Variants in PLEKHG3 observed in about 807,000 individuals in gnomAD.
PLEKHG3 encodes the protein pleckstrin homology and RhoGEF domain containing G3, also known as pleckstrin homology domain-containing family G member 3.
A neutral mutation model predicts 94.9 loss-of-function variants in PLEKHG3; 62 were observed. The ratio of observed to expected loss-of-function variants is 0.65; its 90% CI spans 0.53 to 0.81. The LOEUF (loss-of-function observed/expected upper bound fraction) is 0.81. Among genes scored for constraint, PLEKHG3 ranks in the 30% least tolerant of loss-of-function variants. The probability of loss-of-function intolerance (pLI) is 0.00; values close to 1 mark genes in which losing one functional copy is unlikely to be tolerated. For synonymous variants in PLEKHG3, 614 were observed against 654.0 expected (o/e 0.94, Z 0.93); for missense variants, 1,461 against 1,619.3 (o/e 0.90, Z 1.68).
In PLEKHG3 at chr14:64,731,971, G is replaced by T. The variant is rs1029648693; in HGVS notation, c.1126-124G>T. The stretch of plus-strand genomic sequence containing the variant: ...TCTCAGGGTCAAAGTGAGGAGTCAG[G>T]TTAACCTCACAGAGGCCCCAGCATG... On this transcript the variant is annotated intron_variant, in intron 9 of 16. Transcript: ENST00000247226. The surrounding 1 kb of genome is among the most constrained non-coding windows in gnomAD (Gnocchi z 6.1). 1.2e-6 allele frequency: 1 copy of T among 862,222 alleles called. No homozygotes were observed. Among genetic ancestry groups the T allele is most frequent in the African/African-American group, 1.7e-5 (1 of 60,428 alleles). 53.4% of individuals were successfully genotyped at this position (862,222 alleles called of 1,614,324 possible).
Position 64,749,961 on chromosome 14 carries a change from AAAGGCCAGG to A in PLEKHG3, c.*6265_*6273del. 1 of 1,614,186 alleles carries A rather than the reference AAAGGCCAGG, an allele frequency of 6.2e-7. No homozygotes were observed. The highest frequency in any genetic ancestry group is 1.1e-5 in the South Asian group (1 of 91,092). On this transcript the variant is annotated 3_prime_UTR_variant, in exon 17 of 17. Coordinates refer to ENST00000247226, the MANE Select transcript of PLEKHG3 (RefSeq NM_001308147.2). This position sits in a 1 kb window ranked among gnomAD's most constrained non-coding sequence, Gnocchi z 4.7. ...AATCAAGCCATCAACCCGAGCTTTC[AAAGGCCAGG>A]AAGGCCTCACCTCAGCTTAAAGACG...
Position 64,732,233 on chromosome 14 carries a change from C to A in PLEKHG3, c.1212+52C>A. ...TGCAAGGAGAATGTGCTCCTCTGAGCCAGCTCTGCAAGGTCCATTGGGGGC... is the reference window on the plus strand; with the variant it reads ...TGCAAGGAGAATGTGCTCCTCTGAGACAGCTCTGCAAGGTCCATTGGGGGC... On this transcript the variant is annotated intron_variant, in intron 10 of 16. Transcript: ENST00000247226. This position sits in a 1 kb window ranked among gnomAD's most constrained non-coding sequence, Gnocchi z 4.9. 1 of 1,514,568 alleles carries A rather than the reference C, an allele frequency of 6.6e-7. No individual in the cohort carries two copies. Among genetic ancestry groups the A allele is most frequent in the Non-Finnish European group, 9.2e-7 (1 of 1,089,378 alleles). 93.8% of individuals were successfully genotyped at this position (1,514,568 alleles called of 1,614,324 possible).
rs17102016 is a variant in PLEKHG3, at chr14:64,730,064, T to C, written c.450-179T>C. 0.046 allele frequency among the ~76,000 whole-genome samples: 6,956 copies of C among 152,260 alleles called. 565 individuals are homozygous for C. The highest frequency in any genetic ancestry group is 0.16 in the African/African-American group (6,567 of 41,520). ...CTTCCTGCTTTGTGGCTGCTTTGTG[T>C]TGGATACTTTCTGTGGTTGCTGCCT... On this transcript the variant is annotated intron_variant, in intron 3 of 16. Coordinates refer to ENST00000247226, the MANE Select transcript of PLEKHG3 (RefSeq NM_001308147.2). This position sits in a 1 kb window ranked among gnomAD's most constrained non-coding sequence, Gnocchi z 5.4.
intron 14 of PLEKHG3, chr14:64,737,975 G>A: frequency 1.6e-6 from 2 of 1,236,884 alleles, no homozygotes; most frequent in Non-Finnish European, 2.1e-6. Flanking sequence ...AGGAGGAGGT[G>A]GTGGAGGAGG....
intron 3 of PLEKHG3, among the ~76,000 whole-genome samples, chr14:64,729,366 A>G (rs1197455415): frequency 6.6e-6 from 1 of 152,208 alleles, no homozygotes; most frequent in Non-Finnish European, 1.5e-5. Context: ...TACCTTGCAC[A>G]CTGGTTCTCT....
At chr14:64,713,823 G>A (rs1284165004) in intron 1 of PLEKHG3, among the ~76,000 whole-genome samples, 1 of 151,080 alleles carries the variant, frequency 6.6e-6, no homozygotes, top group African/African-American at 2.4e-5. Context: ...TATCTTATTT[G>A]TTTGAATTAA....
chr14:64,749,247 G>C lies in PLEKHG3; in HGVS notation c.*5544G>C. Reference sequence around the variant, plus strand: ...GCGGGCGGCGGCGAGAGGAGGCCAAGGCCTGGGCTGCCCGGTCTCTGCGCG... The same window carrying C: ...GCGGGCGGCGGCGAGAGGAGGCCAACGCCTGGGCTGCCCGGTCTCTGCGCG... On this transcript the variant is annotated 3_prime_UTR_variant, in exon 17 of 17. Transcript: ENST00000247226. The surrounding 1 kb of genome is among the most constrained non-coding windows in gnomAD (Gnocchi z 4.7). The C allele has an allele frequency of 6.5e-7, 1 of 1,532,816 alleles. No homozygotes were observed. The highest frequency in any genetic ancestry group is 1.2e-5 in the South Asian group (1 of 83,924). The allele number at this position is 1,532,816 out of a possible 1,614,324, so 95.0% of individuals were successfully genotyped here.
Position 64,741,619 on chromosome 14 carries a change from C to T in PLEKHG3, c.2102C>T (p.Ser701Phe), listed in dbSNP as rs1460829951. ...TGCCCAGTGGAGCCTGACCGGTCTT[C>T]CTGCAAGAAGAAGGAATCAGCACTC... is the stretch of plus-strand genomic sequence containing the variant. ...PGCPVEPDRS[S>F]CKKKESALST... The change falls in exon 16 of 17, where the codon TCC (serine) becomes TTC (phenylalanine). Residue 701 changes from serine (S) to phenylalanine (F), a missense_variant. Ser to Phe is a radical substitution (Grantham distance 155). Coordinates refer to ENST00000247226, the MANE Select transcript of PLEKHG3 (RefSeq NM_001308147.2). 1.2e-6 allele frequency: 2 copies of T among 1,612,978 alleles called. No homozygotes were observed. Among genetic ancestry groups the T allele is most frequent in the African/African-American group, 1.3e-5 (1 of 75,050 alleles).
intron 1 of PLEKHG3, among the ~76,000 whole-genome samples, chr14:64,710,192 T>G (rs1353436316): frequency 6.6e-6 from 1 of 152,142 alleles, no homozygotes; most frequent in Non-Finnish European, 1.5e-5. Flanking sequence ...CAATAACACC[T>G]CTCCTACCCT....
At chr14:64,705,779 A>G (rs902475621) in intron 1 of PLEKHG3, among the ~76,000 whole-genome samples, 5 of 152,214 alleles carry the variant, frequency 3.3e-5, no homozygotes, top group Non-Finnish European at 5.9e-5. Flanking sequence ...CCTTTGTTGG[A>G]CAAGGATGGG....
chr14:64,729,041 G>C lies in PLEKHG3; in HGVS notation c.397G>C (p.Glu133Gln). ...IIDTPGLLKP[E>Q]QVSALFGNIE... Reference sequence around the variant, plus strand: ...TGACACACCCGGGCTGCTGAAGCCAGAACAGGTCAGCGCCCTCTTTGGGAA... The same window carrying C: ...TGACACACCCGGGCTGCTGAAGCCACAACAGGTCAGCGCCCTCTTTGGGAA... The change falls in exon 3 of 17, where the codon GAA becomes CAA. Residue 133 changes from glutamate (E) to glutamine (Q), a missense_variant. Transcript: ENST00000247226. 6.5e-7 allele frequency: 1 copy of C among 1,529,604 alleles called. No individual in the cohort carries two copies. The highest frequency in any genetic ancestry group is 8.8e-7 in the Non-Finnish European group (1 of 1,141,230). 94.8% of individuals were successfully genotyped at this position (1,529,604 alleles called of 1,614,324 possible). A position where few individuals can be genotyped will look rare whatever the true frequency, so the allele number is the denominator to read the frequency against.
chr14:64,729,196 G>A, intron 3 of PLEKHG3, 103 bp downstream of exon 3: 1 of 586,532 alleles, frequency 1.7e-6, no homozygotes, highest in South Asian at 2.1e-5. Flanking sequence ...CCTGTGACAT[G>A]TGGGCCTGGG....
chr14:64,749,543 G>T lies in PLEKHG3; in HGVS notation c.*5840G>T. On this transcript the variant is annotated 3_prime_UTR_variant, in exon 17 of 17. Transcript: ENST00000247226. The surrounding 1 kb of genome is among the most constrained non-coding windows in gnomAD (Gnocchi z 4.7). ...CCCACCTCCCGGGCCAGGCAACAATGGTGGGGGCTCTTGGGACTGCCCCTT... is the reference window on the plus strand; with the variant it reads ...CCCACCTCCCGGGCCAGGCAACAATTGTGGGGGCTCTTGGGACTGCCCCTT... The T allele has an allele frequency of 6.2e-7, 1 of 1,601,490 alleles. No homozygotes were observed.
intron 1 of PLEKHG3, among the ~76,000 whole-genome samples, chr14:64,724,224 C>G (rs2081314485): frequency 1.3e-5 from 2 of 152,104 alleles, no homozygotes; most frequent in Non-Finnish European, 2.9e-5. Flanking sequence ...TGCACTCCAG[C>G]TGAGTGCAGT....
At chr14:64,742,946 G>A (rs760542240) in intron 16 of PLEKHG3, 36 bp from the exon 17 acceptor site, 4 of 1,611,086 alleles carry the variant, frequency 2.5e-6, no homozygotes, top group Admixed American at 1.7e-5. Flanking sequence ...CTGCCCTCCC[G>A]CCCCATGCTT....
intron 12 of PLEKHG3, among the ~76,000 whole-genome samples, 161 bp downstream of exon 12, chr14:64,733,062 T>A (rs549140738): frequency 2.4e-4 from 37 of 152,102 alleles, no homozygotes; most frequent in African/African-American, 8.4e-4. Context: ...ATCCTCTCCC[T>A]GTGCTGGTGC....
chr14:64,727,039 G>A lies in PLEKHG3; in HGVS notation c.-39-554G>A, dbSNP rs1201166031. Among the ~76,000 whole-genome samples the A allele has an allele frequency of 6.6e-6, 1 of 152,186 alleles. No individual in the cohort carries two copies. The highest frequency in any genetic ancestry group is 1.5e-5 in the Non-Finnish European group (1 of 68,030). ...CCATTATTATCACCATATTGATGGT[G>A]TATGGAGCACGTACCCTATGCCAGG... On this transcript the variant is annotated intron_variant, in intron 1 of 16. Coordinates refer to ENST00000247226, the MANE Select transcript of PLEKHG3 (RefSeq NM_001308147.2). This position sits in a 1 kb window ranked among gnomAD's most constrained non-coding sequence, Gnocchi z 6.0.
In PLEKHG3 at chr14:64,741,078, T is replaced by C; in HGVS notation, c.1561T>C (p.Ser521Pro). 1 of 1,608,530 alleles carries C rather than the reference T, an allele frequency of 6.2e-7. No individual in the cohort carries two copies. The highest frequency in any genetic ancestry group is 1.1e-5 in the South Asian group (1 of 90,782). ...GGCTGGGAGTGAGCAAGAGGTATTT[T>C]CTGCTGTGGAAGGGCCCAGTGCCGA... ...PEAGSEQEVF[S>P]AVEGPSAEET... is the part of the protein sequence containing the mutation. Residue 521 changes from serine (S) to proline (P), a missense_variant, in exon 16 of 17, where the codon TCT becomes CCT. By Grantham distance (74) the Ser-to-Pro change is moderately conservative. Transcript: ENST00000247226.
intron 1 of PLEKHG3, among the ~76,000 whole-genome samples, chr14:64,714,217 G>A (rs1261971344): frequency 6.6e-6 from 1 of 152,186 alleles, no homozygotes; most frequent in African/African-American, 2.4e-5. Flanking sequence ...TTCAAAGCAA[G>A]GTTTTGGAAG....
Sources: gnomAD v4.1 joint callset for allele counts (sites outside exome capture counted in the v4.1 genomes callset) on GRCh38, gnomAD v4.1.1 for gene constraint, Gnocchi (gnomAD v3.1) non-coding constraint, MANE v1.5 for transcripts, NCBI Gene and HGNC (gene_info 2026-07-23, HGNC 2026-07-21) for gene names.